NEMP2: variants seen among roughly 807,000 people sequenced by gnomAD.
NEMP2 encodes the protein UPF0571 transmembrane protein.
A neutral mutation model predicts 54.2 loss-of-function variants in NEMP2; 53 were observed. The observed-to-expected ratio is 0.98, with a 90% CI of 0.78 to 1.23. NEMP2 has a LOEUF of 1.23. Ranked by LOEUF, NEMP2 falls within the 50% of genes most tolerant of loss-of-function variation. The probability of loss-of-function intolerance (pLI) is 0.00; values close to 1 mark genes in which losing one functional copy is unlikely to be tolerated. For missense variants in NEMP2, 455 were observed against 511.3 expected (o/e 0.89, Z 1.06); for synonymous variants, 197 against 190.3 (o/e 1.04, Z -0.29).
the NEMP2 span, chr2:190,442,930 C>T: frequency 6.6e-6 from 1 of 152,112 alleles, no homozygotes; most frequent in African/African-American, 2.4e-5. Context: ...TGAGGAAAAT[C>T]AATTATAATT....
chr2:190,620,339 G>A, the NEMP2 span: 1 of 152,106 alleles, frequency 6.6e-6, no homozygotes, highest in Non-Finnish European at 1.5e-5. This position sits in a 1 kb window ranked among gnomAD's most constrained non-coding sequence, Gnocchi z 4.9. Context: ...GCTCTCATGT[G>A]GTGGGAGATA....
the NEMP2 span, among the ~76,000 whole-genome samples, chr2:190,476,916 A>C: frequency 6.6e-6 from 1 of 152,096 alleles, no homozygotes; most frequent in South Asian, 2.1e-4. Flanking sequence ...GACATGGATG[A>C]AGCTGGAAAC....
At chr2:190,602,689 C>T in the NEMP2 span, among the ~76,000 whole-genome samples, 2 of 152,138 alleles carry the variant, frequency 1.3e-5, no homozygotes, top group Non-Finnish European at 2.9e-5. Context: ...CCTGTACATG[C>T]CCATGGCTGA....
At position 190,509,365 on chromosome 2, in the gene NEMP2, T is replaced by G; in HGVS notation, c.1131-53A>C. 4 of 1,531,676 alleles carry G rather than the reference T, an allele frequency of 2.6e-6. No individual in the cohort carries two copies. The highest frequency in any genetic ancestry group is 3.5e-6 in the Non-Finnish European group (4 of 1,130,496). The allele number at this position is 1,531,676 out of a possible 1,614,324, so 94.9% of individuals were successfully genotyped here. A position where few individuals can be genotyped will look rare whatever the true frequency, so the allele number is the denominator to read the frequency against. On this transcript the variant is annotated intron_variant, in intron 8 of 8. Coordinates refer to ENST00000409150, the MANE Select transcript of NEMP2 (RefSeq NM_001142645.2). The surrounding 1 kb of genome is among the most constrained non-coding windows in gnomAD (Gnocchi z 6.1). ...TTAATGTTATCTCAGGAAGGTTTAT[T>G]TGAAAGATAACATGTTCCCTTGCTA...
At chr2:190,469,020 G>A in the NEMP2 span, among the ~76,000 whole-genome samples, 3 of 152,082 alleles carry the variant, frequency 2.0e-5, no homozygotes, top group East Asian at 5.8e-4. The surrounding 1 kb of genome is among the most constrained non-coding windows in gnomAD (Gnocchi z 5.3). Context: ...TTATGCTTGG[G>A]TGCACCACTT....
chr2:190,509,424 A>C lies in NEMP2; in HGVS notation c.1131-112T>G. The C allele has an allele frequency of 1.6e-6, 2 of 1,243,910 alleles. No homozygotes were observed. 77.1% of individuals were successfully genotyped at this position (1,243,910 alleles called of 1,614,324 possible). A position where few individuals can be genotyped will look rare whatever the true frequency, so the allele number is the denominator to read the frequency against. On this transcript the variant is annotated intron_variant, in intron 8 of 8. Coordinates refer to ENST00000409150, the MANE Select transcript of NEMP2 (RefSeq NM_001142645.2). This position sits in a 1 kb window ranked among gnomAD's most constrained non-coding sequence, Gnocchi z 6.1. ...CTTTAATTAAATTTGACTTTGCATC[A>C]ATACAGGGTGGCATTTACACAGTGG...
the NEMP2 span, among the ~76,000 whole-genome samples, chr2:190,441,387 C>T: frequency 1.3e-5 from 2 of 150,578 alleles, no homozygotes; most frequent in Non-Finnish European, 2.9e-5. Context: ...GTTTTTACAG[C>T]TTCCTAGTTG....
At chr2:190,484,691 C>G in the NEMP2 span, among the ~76,000 whole-genome samples, 3 of 152,180 alleles carry the variant, frequency 2.0e-5, no homozygotes, top group African/African-American at 4.8e-5. Context: ...CCACCACTGT[C>G]TTTTGTATAC....
chr2:190,584,971 A>G, the NEMP2 span, among the ~76,000 whole-genome samples: 1 of 150,674 alleles, frequency 6.6e-6, no homozygotes, highest in East Asian at 1.9e-4. This position sits in a 1 kb window ranked among gnomAD's most constrained non-coding sequence, Gnocchi z 4.2. Flanking sequence ...AAGAGACATA[A>G]TGTACTAGCT....
At chr2:190,501,978 TG>T (rs1285453167), downstream of NEMP2, 1 of 152,668 alleles carries the variant, frequency 6.6e-6, no homozygotes, top group Non-Finnish European at 1.5e-5. Context: ...AAACTTGTAC[TG>T]TATCTTGTGT....
upstream of NEMP2, among the ~76,000 whole-genome samples, chr2:190,537,176 G>A (rs1308870036): frequency 6.6e-6 from 1 of 152,118 alleles, no homozygotes; most frequent in Non-Finnish European, 1.5e-5. Context: ...AAAGTGAAAT[G>A]GAAAGGCTAG....
chr2:190,450,476 T>G, the NEMP2 span, among the ~76,000 whole-genome samples: 2 of 142,358 alleles, frequency 1.4e-5, no homozygotes, highest in Non-Finnish European at 3.0e-5. Flanking sequence ...ACTTTTTCTT[T>G]TTCTCTTTTT....
the NEMP2 span, among the ~76,000 whole-genome samples, chr2:190,439,778 T>C: frequency 2.0e-5 from 3 of 152,260 alleles, no homozygotes; most frequent in African/African-American, 7.2e-5. This position sits in a 1 kb window ranked among gnomAD's most constrained non-coding sequence, Gnocchi z 5.8. Context: ...TGTGGTCATT[T>C]ACCTGTTTTG....
chr2:190,465,946 TCATGC>T, the NEMP2 span, among the ~76,000 whole-genome samples: 1 of 152,128 alleles, frequency 6.6e-6, no homozygotes, highest in African/African-American at 2.4e-5. The surrounding 1 kb of genome is among the most constrained non-coding windows in gnomAD (Gnocchi z 4.6). Context: ...CAAACCAAGA[TCATGC>T]CATTGCAAAA....
the NEMP2 span, among the ~76,000 whole-genome samples, chr2:190,594,084 C>A: frequency 6.6e-6 from 1 of 152,228 alleles, no homozygotes; most frequent in African/African-American, 2.4e-5. This position sits in a 1 kb window ranked among gnomAD's most constrained non-coding sequence, Gnocchi z 5.6. Context: ...TCCTTCTCTG[C>A]TCTCTGCCAC....
At chr2:190,603,799 T>C in the NEMP2 span, among the ~76,000 whole-genome samples, 11 of 151,868 alleles carry the variant, frequency 7.2e-5, no homozygotes, top group Non-Finnish European at 2.9e-5. Flanking sequence ...AAATCTTACA[T>C]GCAGCTAATG....
chr2:190,455,029 G>A, the NEMP2 span, among the ~76,000 whole-genome samples: 1 of 143,146 alleles, frequency 7.0e-6, no homozygotes, highest in Non-Finnish European at 1.5e-5. Flanking sequence ...ATGTGTGTTG[G>A]TAAGCAGATC....
chr2:190,586,136 TC>T, the NEMP2 span, among the ~76,000 whole-genome samples: 3 of 152,150 alleles, frequency 2.0e-5, no homozygotes, highest in Admixed American at 6.6e-5. The surrounding 1 kb of genome is among the most constrained non-coding windows in gnomAD (Gnocchi z 4.5). Context: ...AAAAACATAT[TC>T]AATGCCTAAA....
chr2:190,637,377 C>T, the NEMP2 span, among the ~76,000 whole-genome samples: 174 of 152,336 alleles, frequency 1.1e-3, no homozygotes, highest in African/African-American at 3.9e-3. The surrounding 1 kb of genome is among the most constrained non-coding windows in gnomAD (Gnocchi z 4.5). Context: ...CTTGCACTCA[C>T]TGGTGCTGAG....
Sources: gnomAD v4.1 joint callset for allele counts (sites outside exome capture counted in the v4.1 genomes callset) on GRCh38, gnomAD v4.1.1 for gene constraint, Gnocchi (gnomAD v3.1) non-coding constraint, MANE v1.5 for transcripts, NCBI Gene and HGNC (gene_info 2026-07-23, HGNC 2026-07-21) for gene names.